The following PRKN variants were observed in gnomAD, a reference collection of about 807,000 sequenced individuals.
PRKN encodes the protein parkin RBR E3 ubiquitin protein ligase.
A neutral mutation model predicts 59.5 loss-of-function variants in PRKN; 56 were observed. That is an observed-to-expected ratio of 0.94 (90% confidence interval 0.76 to 1.18). PRKN has a LOEUF of 1.18. Ranked by LOEUF, PRKN falls within the 50% of genes most tolerant of loss-of-function variation. The pLI is 0.00. For missense variants in PRKN, 657 were observed against 596.4 expected (o/e 1.10, Z -1.06); for synonymous variants, 250 against 222.1 (o/e 1.13, Z -1.12).
At chr6:161,921,367 G>A (rs978946721) in intron 6 of PRKN, among the ~76,000 whole-genome samples, 3 of 151,982 alleles carry the variant, frequency 2.0e-5, no homozygotes, top group Non-Finnish European at 4.4e-5. Flanking sequence ...CTGCTTTACC[G>A]TTAACTTATT....
intron 1 of PRKN, among the ~76,000 whole-genome samples, chr6:162,648,095 G>A (rs1166111093): frequency 1.3e-5 from 2 of 151,776 alleles, no homozygotes; most frequent in African/African-American, 4.8e-5. Context: ...AATATCTGAG[G>A]AAAGGTGTAA....
intron 7 of PRKN, among the ~76,000 whole-genome samples, chr6:161,680,791 C>T (rs117105178): frequency 0.062 from 4,037 of 64,728 alleles, 3 homozygotes; most frequent in African/African-American, 0.17. Flanking sequence ...TTTTTTTTTT[C>T]TTTTCCTAAA....
rs142116515 is a variant in PRKN, at chr6:161,981,824, A to G, written c.619-8407T>C. Among the ~76,000 whole-genome samples, 7 of 152,318 alleles carry G rather than the reference A, an allele frequency of 4.6e-5. No individual in the cohort carries two copies. In the East Asian group the frequency reaches 1.3e-3, roughly 29 times the overall value. Reference sequence around the variant, plus strand: ...TTACAATTAAGTTACACCTAGTCAAACAGATCAGACCTAAAAAGTTAATGA... The same window carrying G: ...TTACAATTAAGTTACACCTAGTCAAGCAGATCAGACCTAAAAAGTTAATGA... On this transcript the variant is annotated intron_variant, in intron 5 of 11. Transcript: ENST00000366898.
chr6:161,940,410 T>C (rs1035836259), intron 6 of PRKN, among the ~76,000 whole-genome samples: 2 of 152,240 alleles, frequency 1.3e-5, no homozygotes, highest in African/African-American at 4.8e-5. Flanking sequence ...AGGTGGTGCC[T>C]CCATGGCTGC....
intron 2 of PRKN, among the ~76,000 whole-genome samples, chr6:162,407,068 C>T (rs572849671): frequency 6.9e-4 from 105 of 152,212 alleles, no homozygotes; most frequent in African/African-American, 2.5e-3. Flanking sequence ...GGAAATACCC[C>T]CATTTATATT....
At chr6:162,366,251 T>G (rs989902676) in intron 2 of PRKN, among the ~76,000 whole-genome samples, 1 of 152,218 alleles carries the variant, frequency 6.6e-6, no homozygotes, top group Admixed American at 6.5e-5. Flanking sequence ...TAATCATTGT[T>G]GAAAATCTTT....
At chr6:161,543,530 T>C (rs1364877320) in intron 9 of PRKN, among the ~76,000 whole-genome samples, 4 of 152,194 alleles carry the variant, frequency 2.6e-5, no homozygotes, top group Non-Finnish European at 5.9e-5. Context: ...CACAGCATGG[T>C]GTTTGTTTAA....
At chr6:162,156,034 G>A (rs1288728449) in intron 4 of PRKN, among the ~76,000 whole-genome samples, 1 of 151,728 alleles carries the variant, frequency 6.6e-6, no homozygotes, top group Non-Finnish European at 1.5e-5. Context: ...AGGAAAATGA[G>A]TCATAAATAT....
intron 9 of PRKN, among the ~76,000 whole-genome samples, chr6:161,432,015 T>TAG (rs1213044725): frequency 3.3e-5 from 5 of 152,140 alleles, no homozygotes; most frequent in African/African-American, 9.7e-5. Flanking sequence ...ACATGACTCT[T>TAG]ACTTAATTAT....
At chr6:161,924,141 G>A (rs1778882069) in intron 6 of PRKN, among the ~76,000 whole-genome samples, 1 of 152,092 alleles carries the variant, frequency 6.6e-6, no homozygotes, top group Non-Finnish European at 1.5e-5. Context: ...GATTTATTGT[G>A]GGGTTAAAGT....
chr6:161,574,463 G>T (rs1187982456), intron 7 of PRKN, among the ~76,000 whole-genome samples: 1 of 152,026 alleles, frequency 6.6e-6, no homozygotes, highest in Non-Finnish European at 1.5e-5. Flanking sequence ...GTAAATCTGC[G>T]TTGACTCTTA....
chr6:161,710,764 C>T (rs1359832944), intron 7 of PRKN, among the ~76,000 whole-genome samples: 2 of 152,028 alleles, frequency 1.3e-5, no homozygotes, highest in African/African-American at 2.4e-5. Flanking sequence ...CTTGAATGTG[C>T]CTGCCTGCTT....
At chr6:161,589,402 A>G (rs946919285) in intron 7 of PRKN, among the ~76,000 whole-genome samples, 6 of 152,224 alleles carry the variant, frequency 3.9e-5, no homozygotes, top group African/African-American at 1.4e-4. Context: ...TCAACCAAAC[A>G]TCATCAAATA....
chr6:161,902,808 C>T (rs1404147123), intron 6 of PRKN, among the ~76,000 whole-genome samples: 24 of 152,178 alleles, frequency 1.6e-4, no homozygotes, highest in African/African-American at 5.5e-4. Flanking sequence ...CTGCCCACCT[C>T]GGCCTCCCAA....
chr6:161,850,453 G>A (rs892830553), intron 6 of PRKN, among the ~76,000 whole-genome samples: 5 of 151,710 alleles, frequency 3.3e-5, no homozygotes, highest in African/African-American at 1.2e-4. Flanking sequence ...TGGCGCGGCT[G>A]TAGTCCCGGC....
chr6:161,505,408 G>A (rs1256532395), intron 9 of PRKN, among the ~76,000 whole-genome samples: 1 of 151,074 alleles, frequency 6.6e-6, no homozygotes, highest in East Asian at 2.0e-4. Context: ...TGAGTTCATT[G>A]TAGATTCTGG....
At chr6:162,515,830 C>CT (rs1395446546) in intron 1 of PRKN, among the ~76,000 whole-genome samples, 1 of 152,152 alleles carries the variant, frequency 6.6e-6, no homozygotes, top group African/African-American at 2.4e-5. Flanking sequence ...CTGAGTTCTT[C>CT]TTTCTTCCTG....
At chr6:162,663,048 A>T (rs1046861669) in intron 1 of PRKN, among the ~76,000 whole-genome samples, 1 of 152,086 alleles carries the variant, frequency 6.6e-6, no homozygotes, top group Admixed American at 6.5e-5. Flanking sequence ...GTAGAACCCG[A>T]CACCCAGCTG....
chr6:162,559,731 A>G (rs1779759237), intron 1 of PRKN, among the ~76,000 whole-genome samples: 1 of 152,166 alleles, frequency 6.6e-6, no homozygotes, highest in African/African-American at 2.4e-5. Context: ...TACTTTTAAA[A>G]ACATCTCCAC....
Sources: gnomAD v4.1 joint callset for allele counts (sites outside exome capture counted in the v4.1 genomes callset) on GRCh38, gnomAD v4.1.1 for gene constraint, MANE v1.5 for transcripts, NCBI Gene and HGNC (gene_info 2026-07-23, HGNC 2026-07-21) for gene names.